The following PPP1R13B variants were observed in gnomAD, a reference collection of about 807,000 sequenced individuals.
PPP1R13B encodes the protein protein phosphatase 1 regulatory subunit 13B.
A neutral mutation model predicts 119.8 loss-of-function variants in PPP1R13B; 44 were observed. The ratio of observed to expected loss-of-function variants is 0.37; its 90% confidence interval spans 0.29 to 0.47. PPP1R13B has a LOEUF of 0.47. Among genes scored for constraint, PPP1R13B ranks in the 20% least tolerant of loss-of-function variants. The probability of loss-of-function intolerance (pLI) is 0.99; values close to 1 mark genes in which losing one functional copy is unlikely to be tolerated. For missense variants in PPP1R13B, 1,227 were observed against 1,413.5 expected (o/e 0.87, Z 2.12); for synonymous variants, 542 against 561.5 (o/e 0.97, Z 0.49).
At position 103,757,631 on chromosome 14, in the gene PPP1R13B, A is replaced by G; in HGVS notation, c.456+19T>C. On this transcript the variant is annotated intron_variant, in intron 5 of 16. Transcript: ENST00000202556. ...GGTACTTTTTGAACAATGTTTCAAT[A>G]CCTCTTTTTATAACTTACCTTGGCA... The G allele has an allele frequency of 6.2e-7, 1 of 1,607,876 alleles. No homozygotes were observed. The highest frequency in any genetic ancestry group is 1.1e-5 in the South Asian group (1 of 90,744).
intron 1 of PPP1R13B, among the ~76,000 whole-genome samples, chr14:103,821,771 A>T (rs1048298361): frequency 2.0e-5 from 3 of 151,770 alleles, no homozygotes; most frequent in Non-Finnish European, 2.9e-5. Flanking sequence ...AATAAATAAA[A>T]TAAATAAATA....
Position 103,847,464 on chromosome 14 carries a change from T to C in PPP1R13B, c.-157A>G. 1.0e-6 allele frequency: 1 copy of C among 993,746 alleles called. No homozygotes were observed. Among genetic ancestry groups the C allele is most frequent in the Non-Finnish European group, 1.2e-6 (1 of 837,034 alleles). The allele number at this position is 993,746 out of a possible 1,614,324, so 61.6% of individuals were successfully genotyped here. ...CGGCAGCTGCGGCGGGCTGCGGGGC[T>C]CTCGCTGGCCCTGTCGCGGCCGCCG... On this transcript the variant is annotated 5_prime_UTR_variant, in exon 1 of 17. Coordinates refer to ENST00000202556, the MANE Select transcript of PPP1R13B (RefSeq NM_015316.3).
chr14:103,836,613 A>T (rs1490627813), intron 1 of PPP1R13B, among the ~76,000 whole-genome samples: 1 of 151,466 alleles, frequency 6.6e-6, no homozygotes, highest in African/African-American at 2.4e-5. Flanking sequence ...TACTAAAGAT[A>T]AAAAAAATTA....
At chr14:103,745,590 GGTCCAA>G (rs981156946) in intron 9 of PPP1R13B, among the ~76,000 whole-genome samples, 90 of 152,288 alleles carry the variant, frequency 5.9e-4, no homozygotes, top group African/African-American at 2.1e-3. Context: ...CTACACTAGA[GGTCCAA>G]GTCCATCACA....
intron 16 of PPP1R13B, among the ~76,000 whole-genome samples, chr14:103,735,424 T>C (rs1456213623): frequency 6.6e-6 from 1 of 152,206 alleles, no homozygotes; most frequent in East Asian, 1.9e-4. Flanking sequence ...TCATGCCACC[T>C]AAAGACTTGT....
chr14:103,822,542 G>A (rs761848393), intron 1 of PPP1R13B, among the ~76,000 whole-genome samples: 8 of 152,114 alleles, frequency 5.3e-5, no homozygotes, highest in Non-Finnish European at 1.2e-4. Flanking sequence ...CTATTTCACC[G>A]GTGGCTCACG....
intron 2 of PPP1R13B, among the ~76,000 whole-genome samples, chr14:103,790,380 A>C (rs551053179): frequency 3.9e-5 from 6 of 152,144 alleles, no homozygotes; most frequent in Admixed American, 3.9e-4. Context: ...CCTAAAATTC[A>C]TATGTTGAAA....
chr14:103,767,518 C>T (rs1453536866), intron 4 of PPP1R13B, among the ~76,000 whole-genome samples: 1 of 152,072 alleles, frequency 6.6e-6, no homozygotes, highest in Non-Finnish European at 1.5e-5. Flanking sequence ...GTCTCATTCC[C>T]GTCCTGCTCT....
intron 1 of PPP1R13B, among the ~76,000 whole-genome samples, chr14:103,826,434 AAG>A (rs761711205): frequency 6.6e-5 from 10 of 152,104 alleles, no homozygotes; most frequent in African/African-American, 9.7e-5. Context: ...CTTTCACATA[AAG>A]AGGTCTACTC....
intron 1 of PPP1R13B, among the ~76,000 whole-genome samples, chr14:103,844,505 A>G (rs533133841): frequency 1.1e-3 from 171 of 152,184 alleles, no homozygotes; most frequent in Non-Finnish European, 2.1e-3. Context: ...CAAGGTGGGC[A>G]GATCACCTGA....
chr14:103,753,195 A>G lies in PPP1R13B; in HGVS notation c.633T>C (p.Ser211=). Residue 211 remains serine (S), a splice_region_variant and synonymous_variant, in exon 7 of 17, where the codon TCT becomes TCC. Coordinates refer to ENST00000202556, the MANE Select transcript of PPP1R13B (RefSeq NM_015316.3). The stretch of plus-strand genomic sequence containing the variant: ...TGGCACTGAACCTTTCTATTTCAGC[A>G]GCTATAATTGACCACACAAGAAAAG... ...DYSKIMNGNL[S]AEIERFSAMF... 6.2e-7 allele frequency: 1 copy of G among 1,607,084 alleles called. No individual in the cohort carries two copies. Among genetic ancestry groups the G allele is most frequent in the Non-Finnish European group, 8.5e-7 (1 of 1,178,074 alleles).
chr14:103,765,100 G>A (rs1303330395), intron 4 of PPP1R13B, among the ~76,000 whole-genome samples: 2 of 152,230 alleles, frequency 1.3e-5, no homozygotes, highest in Non-Finnish European at 2.9e-5. Context: ...TTATAGGCGT[G>A]AGCCACTGTG....
chr14:103,784,991 A>C, intron 2 of PPP1R13B, 77 bp from the exon 3 acceptor site: 1 of 1,355,614 alleles, frequency 7.4e-7, no homozygotes, highest in Admixed American at 2.1e-5. Context: ...AAAAAACTTA[A>C]ATGAATGTAT....
At chr14:103,808,876 T>C (rs535742786) in intron 1 of PPP1R13B, among the ~76,000 whole-genome samples, 68 of 152,184 alleles carry the variant, frequency 4.5e-4, no homozygotes, top group Admixed American at 4.4e-3. Flanking sequence ...TTTTAATGTT[T>C]CTTTTTTTTA....
chr14:103,733,327 C>T lies in PPP1R13B; in HGVS notation c.*1827G>A. The T allele has an allele frequency of 3.2e-6, 1 of 313,852 alleles. No homozygotes were observed. Among genetic ancestry groups the T allele is most frequent in the Non-Finnish European group, 6.0e-6 (1 of 166,798 alleles). 19.4% of individuals were successfully genotyped at this position (313,852 alleles called of 1,614,324 possible). On this transcript the variant is annotated 3_prime_UTR_variant, in exon 17 of 17. Coordinates refer to ENST00000202556, the MANE Select transcript of PPP1R13B (RefSeq NM_015316.3). ...AATATATACCATTTTTATGAGTTCGCAGGTCTACTAGAAGGTTCTGGCCCA... is the reference window on the plus strand; with the variant it reads ...AATATATACCATTTTTATGAGTTCGTAGGTCTACTAGAAGGTTCTGGCCCA...
At chr14:103,789,992 T>A (rs2085576129) in intron 2 of PPP1R13B, among the ~76,000 whole-genome samples, 1 of 151,862 alleles carries the variant, frequency 6.6e-6, no homozygotes, top group African/African-American at 2.4e-5. Flanking sequence ...ACGTCCATAA[T>A]CCCAGCACTT....
chr14:103,843,203 C>G (rs985488563), intron 1 of PPP1R13B, among the ~76,000 whole-genome samples: 5 of 150,988 alleles, frequency 3.3e-5, no homozygotes, highest in Non-Finnish European at 5.9e-5. Context: ...GAAACCCTGT[C>G]TCTACCAAAA....
intron 1 of PPP1R13B, among the ~76,000 whole-genome samples, chr14:103,806,064 A>T (rs2086010771): frequency 6.6e-6 from 1 of 152,228 alleles, no homozygotes; most frequent in Non-Finnish European, 1.5e-5. Context: ...AGTAGGATAT[A>T]TAAAACTTCT....
At position 103,797,520 on chromosome 14, in the gene PPP1R13B, T is replaced by C; in HGVS notation, c.10-2A>G. Reference sequence around the variant, plus strand: ...GCTCAAGAAAACAGTTAATATCATCTGTAAGACAAAAGAGTAAAGCTGTAA... The same window carrying C: ...GCTCAAGAAAACAGTTAATATCATCCGTAAGACAAAAGAGTAAAGCTGTAA... On this transcript the variant is annotated splice_acceptor_variant, in intron 1 of 16. Transcript: ENST00000202556. LOFTEE classifies it high-confidence loss of function. The C allele has an allele frequency of 6.2e-7, 1 of 1,608,806 alleles. No homozygotes were observed. The highest frequency in any genetic ancestry group is 8.5e-7 in the Non-Finnish European group (1 of 1,176,402).
Sources: allele counts gnomAD v4.1 joint callset (sites outside exome capture counted in the v4.1 genomes callset), GRCh38; gene constraint gnomAD v4.1.1; transcripts MANE v1.5; gene names NCBI Gene and HGNC (gene_info 2026-07-23, HGNC 2026-07-21).